Variants in SLC6A11 observed in about 807,000 individuals in gnomAD.
SLC6A11 encodes sodium- and chloride-dependent GABA transporter 3.
SLC6A11 carries 25 observed loss-of-function variants against 74.8 expected under a neutral mutation model. The ratio of observed to expected loss-of-function variants is 0.33; its 90% confidence interval spans 0.24 to 0.47. SLC6A11 has a LOEUF of 0.47. Among genes scored for constraint, SLC6A11 ranks in the 20% least tolerant of loss-of-function variants. The pLI, the probability that SLC6A11 is intolerant of heterozygous loss-of-function variation, is 1.00. For missense variants in SLC6A11, 574 were observed against 837.0 expected (o/e 0.69, Z 3.88); for synonymous variants, 330 against 330.2 (o/e 1.00, Z 0.01).
chr3:10,888,945 A>G (rs965781543), intron 6 of SLC6A11, among the ~76,000 whole-genome samples: 2 of 152,188 alleles, frequency 1.3e-5, no homozygotes, highest in South Asian at 2.1e-4. Context: ...TTTCCTGGGC[A>G]CTGTGGGAGT....
chr3:10,907,978 A>G (rs1430914386), intron 6 of SLC6A11, among the ~76,000 whole-genome samples: 2 of 152,208 alleles, frequency 1.3e-5, no homozygotes, highest in African/African-American at 2.4e-5. Context: ...AGTAATGACT[A>G]TAAGGAGCCT....
chr3:10,919,360 G>A (rs1277404162), intron 8 of SLC6A11, among the ~76,000 whole-genome samples: 2 of 152,212 alleles, frequency 1.3e-5, no homozygotes, highest in Admixed American at 6.5e-5. Context: ...TCACCTACAA[G>A]CATGTCCAGT....
intron 6 of SLC6A11, among the ~76,000 whole-genome samples, chr3:10,880,570 C>T (rs749721917): frequency 2.6e-5 from 4 of 152,128 alleles, no homozygotes; most frequent in Admixed American, 1.3e-4. Context: ...GAGAAGCCTG[C>T]GGGGAGTCAG....
chr3:10,939,910 G>A lies in SLC6A11; in HGVS notation c.*1508G>A, dbSNP rs919796946. The A allele has an allele frequency of 1.3e-5, 2 of 151,910 alleles. No homozygotes were observed. Among genetic ancestry groups the A allele is most frequent in the African/African-American group, 4.8e-5 (2 of 41,310 alleles). 9.4% of individuals were successfully genotyped at this position (151,910 alleles called of 1,614,324 possible). On this transcript the variant is annotated 3_prime_UTR_variant, in exon 14 of 14. Coordinates refer to ENST00000254488, the MANE Select transcript of SLC6A11 (RefSeq NM_014229.3). Reference sequence around the variant, plus strand: ...CTGCCTTGGTTTCTGAGCTATATGAGGGTGGGGAAGGCACACTCTTTTTTC... The same window carrying A: ...CTGCCTTGGTTTCTGAGCTATATGAAGGTGGGGAAGGCACACTCTTTTTTC...
intron 6 of SLC6A11, among the ~76,000 whole-genome samples, chr3:10,879,924 C>G (rs1216200382): frequency 6.6e-6 from 1 of 152,068 alleles, no homozygotes; most frequent in Admixed American, 6.5e-5. Flanking sequence ...TCAACCTGTA[C>G]ATACATACAT....
At chr3:10,823,206 A>G (rs1042069926) in intron 3 of SLC6A11, 96 bp from the exon 4 acceptor site, 18 of 847,904 alleles carry the variant, frequency 2.1e-5, no homozygotes, top group Non-Finnish European at 3.4e-5. Flanking sequence ...TGGGTAGATG[A>G]AAATGCCTAG....
At chr3:10,856,579 C>T (rs950233897) in intron 5 of SLC6A11, among the ~76,000 whole-genome samples, 1 of 152,306 alleles carries the variant, frequency 6.6e-6, no homozygotes, top group South Asian at 2.1e-4. Flanking sequence ...AGGATTTAAA[C>T]CCAGGTCTAC....
At chr3:10,931,685 C>T (rs1395557871) in intron 10 of SLC6A11, among the ~76,000 whole-genome samples, 1 of 152,240 alleles carries the variant, frequency 6.6e-6, no homozygotes, top group Admixed American at 6.5e-5. Flanking sequence ...CTGCATTCCC[C>T]AGCAACTGCC....
intron 4 of SLC6A11, among the ~76,000 whole-genome samples, chr3:10,839,861 G>T (rs1035150970): frequency 6.6e-6 from 1 of 152,204 alleles, no homozygotes; most frequent in Admixed American, 6.5e-5. Flanking sequence ...CCCATCCAAG[G>T]ATCCATGCCG....
At chr3:10,899,823 GGT>G (rs1383603352) in intron 6 of SLC6A11, among the ~76,000 whole-genome samples, 1 of 152,230 alleles carries the variant, frequency 6.6e-6, no homozygotes, top group East Asian at 1.9e-4. Flanking sequence ...CTTAAACACA[GGT>G]GTTCCAGTGT....
At position 10,918,472 on chromosome 3, in the gene SLC6A11, G is replaced by T. The variant is rs1278991068; in HGVS notation, c.1120+19G>T. 6.2e-7 allele frequency: 1 copy of T among 1,600,454 alleles called. No individual in the cohort carries two copies. Among genetic ancestry groups the T allele is most frequent in the Non-Finnish European group, 8.5e-7 (1 of 1,174,854 alleles). ...GAGTCAGGTAAGTTCGCCAAAGGTG[G>T]GGATGGAAAAGGCGGCAAGGGAGGC... On this transcript the variant is annotated intron_variant, in intron 8 of 13. Coordinates refer to ENST00000254488, the MANE Select transcript of SLC6A11 (RefSeq NM_014229.3). The surrounding 1 kb of genome is among the most constrained non-coding windows in gnomAD (Gnocchi z 4.5).
At chr3:10,835,679 G>A (rs1354702174) in intron 4 of SLC6A11, among the ~76,000 whole-genome samples, 1 of 152,156 alleles carries the variant, frequency 6.6e-6, no homozygotes, top group Non-Finnish European at 1.5e-5. Context: ...GCCACCTACC[G>A]GTTTTGTGAT....
At chr3:10,934,953 C>T in intron 12 of SLC6A11, 76 bp from the exon 13 acceptor site, 1 of 1,320,044 alleles carries the variant, frequency 7.6e-7, no homozygotes, top group Non-Finnish European at 1.1e-6. Flanking sequence ...CTAGTCTGTT[C>T]CTGGGCCTCA....
intron 6 of SLC6A11, among the ~76,000 whole-genome samples, chr3:10,902,226 T>C (rs1695249720): frequency 6.6e-6 from 1 of 152,192 alleles, no homozygotes; most frequent in Admixed American, 6.5e-5. Context: ...CCATGTACTG[T>C]TGGGTCTGAC....
chr3:10,866,221 T>G (rs1575681329), intron 5 of SLC6A11, among the ~76,000 whole-genome samples: 1 of 152,328 alleles, frequency 6.6e-6, no homozygotes, highest in East Asian at 1.9e-4. Context: ...AAAGGAAGGA[T>G]GGGTTACAGC....
At chr3:10,881,862 C>G (rs1302712866) in intron 6 of SLC6A11, among the ~76,000 whole-genome samples, 1 of 152,184 alleles carries the variant, frequency 6.6e-6, no homozygotes, top group Non-Finnish European at 1.5e-5. Flanking sequence ...CAGACTGATT[C>G]CCAGCTCCCC....
At chr3:10,870,749 C>T (rs1694819305) in intron 5 of SLC6A11, among the ~76,000 whole-genome samples, 1 of 152,210 alleles carries the variant, frequency 6.6e-6, no homozygotes, top group African/African-American at 2.4e-5. Context: ...CCAATCTCCA[C>T]TTGTGTGCCT....
At chr3:10,859,270 T>G (rs978413551) in intron 5 of SLC6A11, among the ~76,000 whole-genome samples, 2 of 152,056 alleles carry the variant, frequency 1.3e-5, no homozygotes, top group African/African-American at 4.8e-5. Flanking sequence ...TGTGACCCAA[T>G]GTAGAGGGTA....
intron 11 of SLC6A11, among the ~76,000 whole-genome samples, 162 bp downstream of exon 11, chr3:10,933,415 G>C (rs1480429296): frequency 1.3e-5 from 2 of 152,202 alleles, no homozygotes; most frequent in Non-Finnish European, 2.9e-5. Flanking sequence ...ACTGTTGGTA[G>C]ACCTTCTGCT....
Sources: allele counts gnomAD v4.1 joint callset (sites outside exome capture counted in the v4.1 genomes callset), GRCh38; gene constraint gnomAD v4.1.1; non-coding constraint Gnocchi (gnomAD v3.1); transcripts MANE v1.5; gene names NCBI Gene and HGNC (gene_info 2026-07-23, HGNC 2026-07-21).